The following DRC8 variants were observed in gnomAD, a reference collection of about 807,000 sequenced individuals.
The protein encoded by DRC8 is dynein regulatory complex protein 8.
chr1:245,042,671 G>A, the DRC8 span, among the ~76,000 whole-genome samples: 2 of 152,178 alleles, frequency 1.3e-5, no homozygotes, highest in African/African-American at 4.8e-5. Context: ...TGCTTTAAAT[G>A]TTCTCTTATC....
the DRC8 span, among the ~76,000 whole-genome samples, chr1:245,096,446 G>C: frequency 1.3e-5 from 2 of 152,232 alleles, no homozygotes; most frequent in Non-Finnish European, 2.9e-5. Context: ...CATTCAGTCA[G>C]CATTCATTGG....
At chr1:244,985,049 CA>C in the DRC8 span, among the ~76,000 whole-genome samples, 1 of 148,466 alleles carries the variant, frequency 6.7e-6, no homozygotes, top group African/African-American at 2.5e-5. Flanking sequence ...TCTAACAAAA[CA>C]GACAAGGATG....
the DRC8 span, among the ~76,000 whole-genome samples, chr1:245,033,577 T>G: frequency 2.6e-5 from 4 of 152,342 alleles, no homozygotes; most frequent in Middle Eastern, 3.4e-3. Flanking sequence ...CTGTTCCTTC[T>G]TCAACGTGCA....
the DRC8 span, among the ~76,000 whole-genome samples, chr1:245,078,315 A>T: frequency 1.3e-5 from 2 of 152,194 alleles, no homozygotes; most frequent in Non-Finnish European, 2.9e-5. Context: ...TCATCCAACA[A>T]TCCCACTTAT....
the DRC8 span, among the ~76,000 whole-genome samples, chr1:244,980,407 A>G: frequency 1.3e-5 from 2 of 152,136 alleles, no homozygotes; most frequent in Non-Finnish European, 2.9e-5. Flanking sequence ...AGCAAGAGAC[A>G]ATCATATTTG....
chr1:245,023,810 G>C, the DRC8 span, among the ~76,000 whole-genome samples: 1 of 152,080 alleles, frequency 6.6e-6, no homozygotes, highest in East Asian at 1.9e-4. Context: ...TGAATGGTAT[G>C]ATACTATATA....
chr1:245,063,105 G>A, the DRC8 span, among the ~76,000 whole-genome samples: 1 of 152,164 alleles, frequency 6.6e-6, no homozygotes, highest in Non-Finnish European at 1.5e-5. Flanking sequence ...GAATCCTCCA[G>A]TGAGTCTTCT....
the DRC8 span, among the ~76,000 whole-genome samples, chr1:245,093,681 G>T: frequency 7.0e-6 from 1 of 142,750 alleles, no homozygotes; most frequent in East Asian, 2.0e-4. Flanking sequence ...GGGCGACAGA[G>T]CAAGACTCCA....
chr1:245,068,236 C>T, the DRC8 span, among the ~76,000 whole-genome samples: 5 of 152,084 alleles, frequency 3.3e-5, no homozygotes, highest in East Asian at 1.9e-4. Flanking sequence ...GAAACAATCA[C>T]GGCAATAGAC....
the DRC8 span, among the ~76,000 whole-genome samples, chr1:245,066,602 A>G: frequency 3.9e-5 from 6 of 152,210 alleles, no homozygotes; most frequent in Non-Finnish European, 8.8e-5. Flanking sequence ...AAAACATAAG[A>G]TAATGGTACT....
chr1:244,992,800 A>G, the DRC8 span, among the ~76,000 whole-genome samples: 1 of 152,244 alleles, frequency 6.6e-6, no homozygotes, highest in Non-Finnish European at 1.5e-5. Context: ...TGCCTGTGTC[A>G]GTTAGCTATT....
chr1:245,010,681 CT>C, the DRC8 span, among the ~76,000 whole-genome samples: 148 of 127,216 alleles, frequency 1.2e-3, no homozygotes, highest in East Asian at 1.8e-3. Flanking sequence ...CTTTTTCTTT[CT>C]TTTTTTTTTT....
the DRC8 span, among the ~76,000 whole-genome samples, chr1:244,991,721 G>T: frequency 4.6e-5 from 7 of 152,226 alleles, no homozygotes; most frequent in African/African-American, 1.4e-4. Flanking sequence ...TATAGGAGTG[G>T]CTCTGAATCT....
At chr1:245,042,165 C>T in the DRC8 span, among the ~76,000 whole-genome samples, 5 of 152,348 alleles carry the variant, frequency 3.3e-5, no homozygotes, top group South Asian at 4.1e-4. Flanking sequence ...CGCAATGCTG[C>T]GGAGTGCCTG....
chr1:245,124,625 G>T, the DRC8 span: 1 of 150,364 alleles, frequency 6.7e-6, no homozygotes, highest in Non-Finnish European at 1.5e-5. Context: ...GAATCACAAG[G>T]CTTTTGTTTA....
the DRC8 span, among the ~76,000 whole-genome samples, chr1:245,078,373 TGTA>T: frequency 1.3e-5 from 2 of 152,234 alleles, no homozygotes. Context: ...AAGAGCTATC[TGTA>T]TTGCCATGTT....
At chr1:245,059,707 C>T in the DRC8 span, among the ~76,000 whole-genome samples, 1 of 152,266 alleles carries the variant, frequency 6.6e-6, no homozygotes, top group East Asian at 1.9e-4. Flanking sequence ...TAGAAATGAT[C>T]CTCTCTGTAA....
chr1:245,100,572 G>A, the DRC8 span, among the ~76,000 whole-genome samples: 4 of 152,032 alleles, frequency 2.6e-5, no homozygotes, highest in Admixed American at 2.6e-4. Context: ...CCTCAGCTCA[G>A]GAGTTCGAGA....
chr1:245,115,798 C>T, the DRC8 span, among the ~76,000 whole-genome samples: 1 of 151,954 alleles, frequency 6.6e-6, no homozygotes, highest in East Asian at 1.9e-4. Flanking sequence ...ACAAAATGAC[C>T]ACCTGGGCCT....
Sources: gnomAD v4.1 joint callset for allele counts (sites outside exome capture counted in the v4.1 genomes callset) on GRCh38, gnomAD v4.1.1 for gene constraint, MANE v1.5 for transcripts, NCBI Gene and HGNC (gene_info 2026-07-23, HGNC 2026-07-21) for gene names.